Variants in HIPK2 observed in about 807,000 individuals in gnomAD.
HIPK2 encodes homeodomain-interacting protein kinase 2.
A neutral mutation model predicts 113.7 loss-of-function variants in HIPK2; 27 were observed. The observed-to-expected ratio is 0.24, with a 90% CI of 0.17 to 0.33. HIPK2 has a LOEUF of 0.33. Among genes scored for constraint, HIPK2 ranks in the 10% least tolerant of loss-of-function variants. The pLI is 1.00. For missense variants in HIPK2, 1,257 were observed against 1,588.0 expected (o/e 0.79, Z 3.54); for synonymous variants, 631 against 642.2 (o/e 0.98, Z 0.26).
intron 9 of HIPK2, among the ~76,000 whole-genome samples, chr7:139,612,704 C>T (rs1799878136): frequency 6.6e-6 from 1 of 152,152 alleles, no homozygotes; most frequent in Admixed American, 6.5e-5. Context: ...TCATCTCTGC[C>T]ATCTCATTCT....
At chr7:139,608,009 C>G (rs542590848) in intron 9 of HIPK2, among the ~76,000 whole-genome samples, 2 of 151,998 alleles carry the variant, frequency 1.3e-5, no homozygotes, top group African/African-American at 2.4e-5. Flanking sequence ...GAGGCCAAGG[C>G]GGGTGGATCA....
intron 1 of HIPK2, among the ~76,000 whole-genome samples, chr7:139,773,077 AAC>A (rs1454131805): frequency 6.6e-6 from 1 of 152,152 alleles, no homozygotes; most frequent in African/African-American, 2.4e-5. Context: ...ACAAACCCAG[AAC>A]CTGCCACAGG....
In HIPK2 at chr7:139,704,810, G is replaced by C. The variant is rs893349593; in HGVS notation, c.1103+11122C>G. On this transcript the variant is annotated intron_variant, in intron 2 of 14. Transcript: ENST00000406875. The stretch of plus-strand genomic sequence containing the variant: ...AGCGCCCCGTCCCACCACTCTCCTC[G>C]GAGGCCCCTGCACTCCACCGTCGGA... Among the ~76,000 whole-genome samples the C allele has an allele frequency of 3.3e-5, 5 of 152,044 alleles. No homozygotes were observed. In the East Asian group the frequency reaches 7.7e-4, roughly 24 times the overall value.
At chr7:139,670,947 G>A (rs1802265820) in intron 2 of HIPK2, among the ~76,000 whole-genome samples, 1 of 151,850 alleles carries the variant, frequency 6.6e-6, no homozygotes, top group Admixed American at 6.6e-5. Flanking sequence ...TTTTGGTAGA[G>A]ACAGGGTTTT....
intron 2 of HIPK2, among the ~76,000 whole-genome samples, chr7:139,672,404 T>TA (rs1352707133): frequency 8.6e-5 from 13 of 151,714 alleles, no homozygotes; most frequent in Non-Finnish European, 1.9e-4. Flanking sequence ...TAACTATTTG[T>TA]AAAAAAAATG....
intron 1 of HIPK2, among the ~76,000 whole-genome samples, chr7:139,745,451 GA>G (rs1289845488): frequency 1.3e-5 from 2 of 152,208 alleles, no homozygotes; most frequent in Non-Finnish European, 2.9e-5. Flanking sequence ...ACTTGAGAAG[GA>G]AAGGGAAGGA....
intron 2 of HIPK2, among the ~76,000 whole-genome samples, chr7:139,647,338 T>TA (rs1801271871): frequency 6.6e-6 from 1 of 152,166 alleles, no homozygotes; most frequent in South Asian, 2.1e-4. Flanking sequence ...TCTTCTTTCC[T>TA]ACCGCCAAGC....
intron 2 of HIPK2, among the ~76,000 whole-genome samples, chr7:139,635,216 C>T (rs1044517311): frequency 1.3e-5 from 2 of 152,152 alleles, no homozygotes; most frequent in African/African-American, 2.4e-5. Context: ...TGGCCCCTGC[C>T]CTCTTGCAGC....
chr7:139,614,265 G>T, intron 8 of HIPK2, 21 bp downstream of exon 8: 1 of 1,438,462 alleles, frequency 7.0e-7, no homozygotes, highest in Non-Finnish European at 9.3e-7. Flanking sequence ...CAGGTGAGAG[G>T]CTGTGGCTGC....
At chr7:139,681,809 C>T (rs1802710098) in intron 2 of HIPK2, among the ~76,000 whole-genome samples, 1 of 152,188 alleles carries the variant, frequency 6.6e-6, no homozygotes, top group South Asian at 2.1e-4. Context: ...ACCACTGCTC[C>T]AGGGAGCAGA....
rs988178364 is a variant in HIPK2, at chr7:139,570,467, C to G, written c.*2460G>C. The G allele has an allele frequency of 6.6e-6, 1 of 152,248 alleles. No individual in the cohort carries two copies. Among genetic ancestry groups the G allele is most frequent in the African/African-American group, 2.4e-5 (1 of 41,454 alleles). The allele number at this position is 152,248 out of a possible 1,614,324, so 9.4% of individuals were successfully genotyped here. On this transcript the variant is annotated 3_prime_UTR_variant, in exon 15 of 15. Transcript: ENST00000406875. ...GGCCTCTTGCCGGCACAGCCTCCAGCAGGCACTTGGCAAGACTGCCCGGCT... is the reference window on the plus strand; with the variant it reads ...GGCCTCTTGCCGGCACAGCCTCCAGGAGGCACTTGGCAAGACTGCCCGGCT...
At position 139,716,864 on chromosome 7, in the gene HIPK2, G is replaced by A; in HGVS notation, c.171C>T (p.Ile57=). 2 of 1,613,842 alleles carry A rather than the reference G, an allele frequency of 1.2e-6. No individual in the cohort carries two copies. Among genetic ancestry groups the A allele is most frequent in the African/African-American group, 1.3e-5 (1 of 74,990 alleles). The change falls in exon 2 of 15, where the codon ATC becomes ATT. Residue 57 remains isoleucine (I), a synonymous_variant. Coordinates refer to ENST00000406875, the MANE Select transcript of HIPK2 (RefSeq NM_022740.5). The surrounding 1 kb of genome is among the most constrained non-coding windows in gnomAD (Gnocchi z 9.3). ...HSKVYSQSKN[I]PLSQPATTTV... Reference sequence around the variant, plus strand: ...TTGTGGTGGCTGGCTGCGACAGGGGGATGTTCTTGCTCTGGCTATACACTT... The same window carrying A: ...TTGTGGTGGCTGGCTGCGACAGGGGAATGTTCTTGCTCTGGCTATACACTT...
chr7:139,653,241 C>T (rs185385032), intron 2 of HIPK2, among the ~76,000 whole-genome samples: 2 of 151,696 alleles, frequency 1.3e-5, no homozygotes, highest in Admixed American at 6.6e-5. Context: ...GCAGAAACAG[C>T]GTCACTGTCA....
Position 139,614,416 on chromosome 7 carries a change from G to A in HIPK2, c.1860C>T (p.Tyr620=), listed in dbSNP as rs754291827. 1 of 1,568,572 alleles carries A rather than the reference G, an allele frequency of 6.4e-7. No homozygotes were observed. Among genetic ancestry groups the A allele is most frequent in the Admixed American group, 1.8e-5 (1 of 55,490 alleles). The part of the protein sequence containing the change: ...VSILNYPSTL[Y]QPSAASMAAV... ...CAGCCATGGATGCCGCTGAGGGCTGGTAGAGTGTAGATGGGTAGTTTAGTA... is the reference window on the plus strand; with the variant it reads ...CAGCCATGGATGCCGCTGAGGGCTGATAGAGTGTAGATGGGTAGTTTAGTA... The change falls in exon 8 of 15, where the codon TAC becomes TAT. Residue 620 remains tyrosine, a synonymous_variant. Transcript: ENST00000406875.
chr7:139,716,707 C>T lies in HIPK2; in HGVS notation c.328G>A (p.Gly110Arg), dbSNP rs781761115. The T allele has an allele frequency of 1.2e-5, 20 of 1,613,666 alleles. No individual in the cohort carries two copies. Among genetic ancestry groups the T allele is most frequent in the East Asian group, 2.2e-5 (1 of 44,886 alleles). ...STSVTGQVLG[G>R]PHNLMRRSTV... is the part of the protein sequence containing the mutation. ...CTTCGACGCATTAGGTTGTGTGGTC[C>T]GCCGAGGACTTGCCCGGTGACAGAA... The change falls in exon 2 of 15, where the codon GGA (glycine) becomes AGA (arginine). Residue 110 changes from glycine (G) to arginine (R), a missense_variant. By Grantham distance (125) the Gly-to-Arg change is moderately radical. Around this residue, in one of 5 missense-constraint regions of HIPK2, gnomAD observed 209 missense variants for 237.8 expected, o/e 0.88. Coordinates refer to ENST00000406875, the MANE Select transcript of HIPK2 (RefSeq NM_022740.5). This position sits in a 1 kb window ranked among gnomAD's most constrained non-coding sequence, Gnocchi z 9.3.
intron 14 of HIPK2, 36 bp downstream of exon 14, chr7:139,575,092 C>A: frequency 4.5e-6 from 7 of 1,555,902 alleles, no homozygotes; most frequent in Non-Finnish European, 5.2e-6. Context: ...GGGATGGGGG[C>A]CCTGCCTGGC....
At chr7:139,717,263 A>G (rs1795276339) in intron 1 of HIPK2, among the ~76,000 whole-genome samples, 1 of 152,220 alleles carries the variant, frequency 6.6e-6, no homozygotes, top group African/African-American at 2.4e-5. Context: ...TGAGACTCAG[A>G]AACAGAATTC....
chr7:139,728,904 A>C (rs1238940779), intron 1 of HIPK2, among the ~76,000 whole-genome samples: 1 of 152,222 alleles, frequency 6.6e-6, no homozygotes, highest in Non-Finnish European at 1.5e-5. Context: ...GCTGGAAACA[A>C]GTAAAAGCAT....
At chr7:139,575,101 G>A in intron 14 of HIPK2, 27 bp downstream of exon 14, 1 of 1,570,446 alleles carries the variant, frequency 6.4e-7, no homozygotes, top group Non-Finnish European at 8.6e-7. Flanking sequence ...GCCCTGCCTG[G>A]CCTGGGGCGC....
Sources: allele counts gnomAD v4.1 joint callset (sites outside exome capture counted in the v4.1 genomes callset), GRCh38; gene constraint gnomAD v4.1.1; regional missense constraint gnomAD v4.1.1; non-coding constraint Gnocchi (gnomAD v3.1); transcripts MANE v1.5; gene names NCBI Gene and HGNC (gene_info 2026-07-23, HGNC 2026-07-21).